Variants in APBA2 observed in about 807,000 individuals in gnomAD.
APBA2 encodes the protein amyloid beta precursor protein binding family A member 2, also known as amyloid-beta A4 precursor protein-binding family A member 2.
In APBA2, 30 loss-of-function variants were observed where a neutral mutation model predicts 75.0. The observed-to-expected ratio is 0.40, with a 90% CI of 0.30 to 0.54. APBA2 has a LOEUF of 0.54. Ranked by LOEUF, APBA2 falls within the 20% of genes least tolerant of loss-of-function variation. The pLI is 0.49. For synonymous variants in APBA2, 444 were observed against 409.6 expected (o/e 1.08, Z -1.01); for missense variants, 801 against 1,016.1 (o/e 0.79, Z 2.88).
intron 1 of APBA2, among the ~76,000 whole-genome samples, chr15:28,901,366 G>C (rs147993513): frequency 7.3e-4 from 107 of 146,248 alleles, no homozygotes; most frequent in African/African-American, 2.6e-3. Flanking sequence ...GGGAGCCAGC[G>C]TGGCACGGCA....
chr15:29,061,051 G>A (rs1376951087), intron 4 of APBA2, among the ~76,000 whole-genome samples: 1 of 152,120 alleles, frequency 6.6e-6, no homozygotes, highest in African/African-American at 2.4e-5. Flanking sequence ...TTTCCCTGGG[G>A]CAACTCACCC....
intron 3 of APBA2, among the ~76,000 whole-genome samples, chr15:29,052,391 C>G (rs944330786): frequency 1.4e-5 from 2 of 143,386 alleles, no homozygotes; most frequent in Admixed American, 7.2e-5. Flanking sequence ...GGAGGTGGAA[C>G]TTGCAGTGAG....
At chr15:29,108,032 C>T (rs1222672037) in intron 12 of APBA2, among the ~76,000 whole-genome samples, 3 of 152,188 alleles carry the variant, frequency 2.0e-5, no homozygotes, top group Non-Finnish European at 2.9e-5. Flanking sequence ...AGGCACCCTG[C>T]GCATGGTGGG....
At chr15:28,948,829 T>C (rs2035690158) in intron 2 of APBA2, among the ~76,000 whole-genome samples, 1 of 151,432 alleles carries the variant, frequency 6.6e-6, no homozygotes, top group Non-Finnish European at 1.5e-5. Flanking sequence ...TGGTGGAATA[T>C]CTTGAATGTC....
At chr15:29,115,485 C>T (rs943306919) in intron 14 of APBA2, among the ~76,000 whole-genome samples, 1 of 152,102 alleles carries the variant, frequency 6.6e-6, no homozygotes, top group African/African-American at 2.4e-5. Context: ...CAAGTAGATG[C>T]TTTGAAGCGG....
chr15:28,907,712 C>T (rs1285096087), intron 1 of APBA2, among the ~76,000 whole-genome samples: 2 of 151,072 alleles, frequency 1.3e-5, no homozygotes, highest in Admixed American at 6.6e-5. Flanking sequence ...GATATGACTC[C>T]GAATCTGTGG....
intron 3 of APBA2, among the ~76,000 whole-genome samples, chr15:29,040,892 A>T (rs1233114589): frequency 6.6e-6 from 1 of 152,216 alleles, no homozygotes; most frequent in Non-Finnish European, 1.5e-5. Flanking sequence ...GGCAATTAAC[A>T]AATGTCAACC....
intron 3 of APBA2, among the ~76,000 whole-genome samples, chr15:29,033,567 A>G (rs1195472839): frequency 6.6e-6 from 1 of 152,066 alleles, no homozygotes; most frequent in Non-Finnish European, 1.5e-5. Flanking sequence ...GTCTTAAATT[A>G]GATAATTTGC....
intron 6 of APBA2, among the ~76,000 whole-genome samples, chr15:29,079,433 T>C (rs531869602): frequency 6.6e-6 from 1 of 152,172 alleles, no homozygotes; most frequent in Non-Finnish European, 1.5e-5. Context: ...GAATATCTAG[T>C]TGAACCTTAC....
At chr15:28,904,201 C>T (rs951558095) in intron 1 of APBA2, among the ~76,000 whole-genome samples, 3 of 152,102 alleles carry the variant, frequency 2.0e-5, no homozygotes, top group South Asian at 4.1e-4. Flanking sequence ...CTCCACCCGC[C>T]GGGGGCCCTC....
intron 6 of APBA2, among the ~76,000 whole-genome samples, chr15:29,083,260 A>T (rs949968567): frequency 6.6e-6 from 1 of 152,088 alleles, no homozygotes; most frequent in Non-Finnish European, 1.5e-5. Context: ...TTCCCTTGCA[A>T]GTTTGAAATG....
intron 2 of APBA2, among the ~76,000 whole-genome samples, chr15:28,956,390 C>T (rs2036169224): frequency 6.6e-6 from 1 of 152,016 alleles, no homozygotes; most frequent in South Asian, 2.1e-4. Flanking sequence ...GGCGTGGAGG[C>T]TGGACAGATG....
intron 2 of APBA2, among the ~76,000 whole-genome samples, chr15:28,922,883 G>A (rs140664032): frequency 3.5e-3 from 529 of 152,338 alleles, no homozygotes; most frequent in African/African-American, 0.012. Flanking sequence ...CCGTGCTGAG[G>A]AAGCCACGGT....
At chr15:28,990,182 G>A (rs1160521158) in intron 2 of APBA2, among the ~76,000 whole-genome samples, 1 of 152,196 alleles carries the variant, frequency 6.6e-6, no homozygotes, top group Non-Finnish European at 1.5e-5. Flanking sequence ...GGCTGAGGCG[G>A]GTGGATCACC....
rs1272326692 is a variant in APBA2 at position 29,010,287 on chromosome 15, C to A, written c.-41+14481C>A. Among the ~76,000 whole-genome samples, 4 of 152,220 alleles carry A rather than the reference C, an allele frequency of 2.6e-5. No individual in the cohort carries two copies. The East Asian group carries it at 5.8e-4, about 22-fold the overall frequency. On this transcript the variant is annotated intron_variant, in intron 3 of 14. Transcript: ENST00000683413. ...CTTTTTTTGTTTTATGAGATGGAGT[C>A]TCGCTCTGTCGCCCAGGCTTGAGTG...
At chr15:29,090,896 C>G (rs2043531801) in intron 6 of APBA2, among the ~76,000 whole-genome samples, 1 of 152,184 alleles carries the variant, frequency 6.6e-6, no homozygotes, top group Non-Finnish European at 1.5e-5. Context: ...CAGGGCATGT[C>G]TGGCGAGCCT....
intron 2 of APBA2, among the ~76,000 whole-genome samples, chr15:28,947,078 C>A (rs942923954): frequency 1.3e-5 from 2 of 152,230 alleles, no homozygotes; most frequent in African/African-American, 4.8e-5. Context: ...CCTATGTCAT[C>A]GTCCCTCTTT....
chr15:29,091,846 G>A (rs1265666885), intron 6 of APBA2, among the ~76,000 whole-genome samples: 1 of 152,184 alleles, frequency 6.6e-6, no homozygotes, highest in African/African-American at 2.4e-5. Context: ...GAGGGCTGGG[G>A]AAGTGCAGGA....
chr15:29,097,123 C>T (rs571061426), intron 8 of APBA2, among the ~76,000 whole-genome samples: 2 of 152,258 alleles, frequency 1.3e-5, no homozygotes, highest in Admixed American at 6.5e-5. Flanking sequence ...CCCCCAAGGA[C>T]GCTGTGGGAT....
Sources: allele counts gnomAD v4.1 joint callset (sites outside exome capture counted in the v4.1 genomes callset), GRCh38; gene constraint gnomAD v4.1.1; transcripts MANE v1.5; gene names NCBI Gene and HGNC (gene_info 2026-07-23, HGNC 2026-07-21).